MYCT1: variants seen among roughly 807,000 people sequenced by gnomAD.
MYCT1 encodes the protein MYC target 1, also known as myc target protein 1.
MYCT1 carries 12 observed loss-of-function variants against 15.0 expected under a neutral mutation model. The observed-to-expected ratio is 0.80, with a 90% confidence interval of 0.51 to 1.29. The LOEUF is 1.29. Ranked by LOEUF, MYCT1 falls within the 50% of genes most tolerant of loss-of-function variation. MYCT1 has a pLI of 0.00. For missense variants in MYCT1, 287 were observed against 279.1 expected (o/e 1.03, Z -0.20); for synonymous variants, 104 against 102.7 (o/e 1.01, Z -0.07).
At chr6:152,746,774 A>G in the MYCT1 span, among the ~76,000 whole-genome samples, 2 of 152,322 alleles carry the variant, frequency 1.3e-5, no homozygotes, top group East Asian at 3.9e-4. Flanking sequence ...AGTTCGAATG[A>G]CTTGCAGCAC....
At chr6:152,728,177 A>G (rs2099725984), downstream of MYCT1, among the ~76,000 whole-genome samples, 1 of 151,932 alleles carries the variant, frequency 6.6e-6, no homozygotes, top group African/African-American at 2.4e-5. Flanking sequence ...AAAAAAAAAA[A>G]AGGAAAAAGC....
intron 1 of MYCT1, among the ~76,000 whole-genome samples, chr6:152,714,436 G>T (rs150122755): frequency 1.2e-4 from 18 of 148,746 alleles, no homozygotes; most frequent in African/African-American, 3.7e-4. Context: ...AATTGTTTTT[G>T]TAGGCTTTCT....
At chr6:152,705,071 A>G (rs1334052051) in intron 1 of MYCT1, among the ~76,000 whole-genome samples, 2 of 152,198 alleles carry the variant, frequency 1.3e-5, no homozygotes, top group East Asian at 3.9e-4. Context: ...TTTACATTCC[A>G]CAAATAAGTG....
In MYCT1 at chr6:152,697,981, C is replaced by A. The variant is rs777881231; in HGVS notation, c.79C>A (p.Leu27Ile). 2 of 1,608,138 alleles carry A rather than the reference C, an allele frequency of 1.2e-6. No individual in the cohort carries two copies. Among genetic ancestry groups the A allele is most frequent in the South Asian group, 2.2e-5 (2 of 89,818 alleles). ...ACTACAAAGAGATAGAATCAAACTG[C>A]TTTTTTTCGACATACTGGTTTTTCT... ...AVLQRDRIKLLFFDILVFLSV... is the reference protein window; with the variant it reads ...AVLQRDRIKLIFFDILVFLSV... Residue 27 changes from leucine to isoleucine, a missense_variant, in exon 1 of 2, where the codon CTT becomes ATT. Coordinates refer to ENST00000367245, the MANE Select transcript of MYCT1 (RefSeq NM_025107.3).
At chr6:152,737,766 G>T in the MYCT1 span, among the ~76,000 whole-genome samples, 1 of 152,150 alleles carries the variant, frequency 6.6e-6, no homozygotes, top group Admixed American at 6.6e-5. Flanking sequence ...TGCATATGTT[G>T]TTTAAGGTTT....
chr6:152,728,095 C>G (rs771340364), downstream of MYCT1, among the ~76,000 whole-genome samples: 15 of 150,298 alleles, frequency 1.0e-4, no homozygotes, highest in Non-Finnish European at 1.9e-4. Flanking sequence ...ATCTAGAAGG[C>G]AGAGGTTGCA....
chr6:152,724,204 A>C lies in MYCT1; in HGVS notation c.*1951A>C, dbSNP rs1438418610. 6.6e-6 allele frequency: 1 copy of C among 151,964 alleles called. No individual in the cohort carries two copies. The allele number at this position is 151,964 out of a possible 1,614,324, so 9.4% of individuals were successfully genotyped here. On this transcript the variant is annotated 3_prime_UTR_variant, in exon 2 of 2. Coordinates refer to ENST00000367245, the MANE Select transcript of MYCT1 (RefSeq NM_025107.3). The stretch of plus-strand genomic sequence containing the variant: ...AAATTTAGCAGCCAAGTAAGGTTTC[A>C]AGGGAATATTAACTTGGTATCAGGG...
At chr6:152,746,984 A>G in the MYCT1 span, among the ~76,000 whole-genome samples, 10 of 152,150 alleles carry the variant, frequency 6.6e-5, no homozygotes, top group African/African-American at 1.2e-4. Flanking sequence ...AGATTCCGAA[A>G]TGAATTCTAA....
At chr6:152,702,163 C>T (rs1469403027) in intron 1 of MYCT1, among the ~76,000 whole-genome samples, 1 of 152,166 alleles carries the variant, frequency 6.6e-6, no homozygotes, top group African/African-American at 2.4e-5. Flanking sequence ...TATAGCTCTT[C>T]TCTTTGTCTC....
chr6:152,720,450 A>T lies in MYCT1; in HGVS notation c.197-1292A>T, dbSNP rs546470494. ...TCTCCTCCTCTTCCCCAGTCTCACA[A>T]CACCCATCAGCTAATTTTCAGGCTA... On this transcript the variant is annotated intron_variant, in intron 1 of 1. Transcript: ENST00000367245. Among the ~76,000 whole-genome samples, 5 of 152,178 alleles carry T rather than the reference A, an allele frequency of 3.3e-5. 1 individual carries two copies. The South Asian group carries it at 1.0e-3, about 32-fold the overall frequency.
rs765482216 is a variant in MYCT1, at chr6:152,721,902, C to A, written c.357C>A (p.Gly119=). 1.2e-5 allele frequency: 20 copies of A among 1,613,982 alleles called. No individual in the cohort carries two copies. In the South Asian group the frequency reaches 2.2e-4, roughly 18 times the overall value. The stretch of plus-strand genomic sequence containing the variant: ...GATCTAGGTCTTCTTACACCCACGG[C>A]CTCAACAGAACTGGATTTTACCGCC... The part of the protein sequence containing the change: ...SRRSRSSYTH[G]LNRTGFYRHS... The change falls in exon 2 of 2, where the codon GGC becomes GGA. Residue 119 remains glycine, a synonymous_variant. Coordinates refer to ENST00000367245, the MANE Select transcript of MYCT1 (RefSeq NM_025107.3).
the MYCT1 span, among the ~76,000 whole-genome samples, chr6:152,739,908 A>G: frequency 7.2e-4 from 109 of 152,236 alleles, no homozygotes; most frequent in African/African-American, 2.6e-3. Flanking sequence ...CATTTCATCT[A>G]TCTGAGGAAG....
intron 1 of MYCT1, among the ~76,000 whole-genome samples, chr6:152,703,063 T>C (rs1299931796): frequency 6.6e-6 from 1 of 152,212 alleles, no homozygotes; most frequent in East Asian, 1.9e-4. Flanking sequence ...TTGTCAGGTA[T>C]CAATGTTATG....
intron 1 of MYCT1, among the ~76,000 whole-genome samples, chr6:152,720,128 C>G (rs1344080843): frequency 2.6e-5 from 4 of 151,694 alleles, no homozygotes; most frequent in African/African-American, 9.7e-5. Context: ...TAGGATGACA[C>G]CATTCATATG....
At chr6:152,698,667 G>C (rs529098651) in intron 1 of MYCT1, among the ~76,000 whole-genome samples, 3 of 152,158 alleles carry the variant, frequency 2.0e-5, no homozygotes, top group African/African-American at 7.2e-5. Flanking sequence ...AATGACTTTA[G>C]AGTATAACAA....
chr6:152,701,416 T>G (rs757103395), intron 1 of MYCT1, among the ~76,000 whole-genome samples: 15 of 152,142 alleles, frequency 9.9e-5, no homozygotes, highest in Non-Finnish European at 1.3e-4. Flanking sequence ...TTCAGGGACA[T>G]AGTTTGTAAG....
the MYCT1 span, among the ~76,000 whole-genome samples, chr6:152,746,625 G>A: frequency 1.3e-5 from 2 of 152,256 alleles, no homozygotes; most frequent in Non-Finnish European, 1.5e-5. Flanking sequence ...TTGTGAAGTA[G>A]GTAAAATTGG....
At chr6:152,736,517 G>A in the MYCT1 span, among the ~76,000 whole-genome samples, 4 of 152,210 alleles carry the variant, frequency 2.6e-5, no homozygotes, top group South Asian at 4.1e-4. Context: ...AAAGGGAATC[G>A]ATAAATTTTG....
chr6:152,745,082 C>CCTG, the MYCT1 span, among the ~76,000 whole-genome samples: 27 of 152,242 alleles, frequency 1.8e-4, no homozygotes, highest in Admixed American at 5.2e-4. Context: ...AGGCCTCCAT[C>CCTG]CTGCCCCCGT....
Sources: gnomAD v4.1 joint callset for allele counts (sites outside exome capture counted in the v4.1 genomes callset) on GRCh38, gnomAD v4.1.1 for gene constraint, MANE v1.5 for transcripts, NCBI Gene and HGNC (gene_info 2026-07-23, HGNC 2026-07-21) for gene names.